The following C12orf60 variants were observed in gnomAD, a reference collection of about 807,000 sequenced individuals.
C12orf60 encodes uncharacterized protein C12orf60.
For synonymous variants in C12orf60, 102 were observed against 94.6 expected (o/e 1.08, Z -0.45); for missense variants, 284 against 283.2 (o/e 1.00, Z -0.02).
intron 1 of C12orf60, among the ~76,000 whole-genome samples, chr12:14,808,055 A>G (rs1429108620): frequency 6.6e-6 from 1 of 152,080 alleles, no homozygotes; most frequent in Non-Finnish European, 1.5e-5. Flanking sequence ...AATCCCAGCT[A>G]CTCTGGAGAC....
Position 14,823,566 on chromosome 12 carries a change from T to C in C12orf60, c.631T>C (p.Leu211=). Residue 211 remains leucine, a synonymous_variant, in exon 2 of 2, where the codon TTG becomes CTG. Coordinates refer to ENST00000330828, the MANE Select transcript of C12orf60 (RefSeq NM_175874.4). ...KNPTKSAADL[L]EQIVKAMGPI... is the part of the protein sequence containing the mutation. Reference sequence around the variant, plus strand: ...TCCCACAAAGTCAGCAGCAGATTTGTTGGAACAAATTGTCAAGGCTATGGG... The same window carrying C: ...TCCCACAAAGTCAGCAGCAGATTTGCTGGAACAAATTGTCAAGGCTATGGG... 6.2e-7 allele frequency: 1 copy of C among 1,613,824 alleles called. No homozygotes were observed. Among genetic ancestry groups the C allele is most frequent in the Non-Finnish European group, 8.5e-7 (1 of 1,179,924 alleles).
intron 1 of C12orf60, among the ~76,000 whole-genome samples, chr12:14,811,206 G>A (rs1412554825): frequency 3.3e-5 from 5 of 152,198 alleles, no homozygotes; most frequent in Non-Finnish European, 5.9e-5. Flanking sequence ...TACAGAGTTT[G>A]TGCTATTATT....
At chr12:14,808,208 A>G (rs929533078) in intron 1 of C12orf60, among the ~76,000 whole-genome samples, 15 of 152,200 alleles carry the variant, frequency 9.9e-5, no homozygotes, top group Non-Finnish European at 2.1e-4. Context: ...AATGAATAAA[A>G]TAAACTTGAC....
At chr12:14,811,596 T>A (rs1050179727) in intron 1 of C12orf60, among the ~76,000 whole-genome samples, 1 of 152,186 alleles carries the variant, frequency 6.6e-6, no homozygotes, top group African/African-American at 2.4e-5. Context: ...TTTTTTTGAA[T>A]TGAGAAGTCA....
At chr12:14,804,075 C>T (rs1311017805) in intron 1 of C12orf60, among the ~76,000 whole-genome samples, 2 of 152,066 alleles carry the variant, frequency 1.3e-5, no homozygotes, top group Admixed American at 6.5e-5. Flanking sequence ...CTTATATGGG[C>T]GGTGATTTAT....
At chr12:14,816,645 G>T (rs1050589435) in intron 1 of C12orf60, among the ~76,000 whole-genome samples, 1 of 151,872 alleles carries the variant, frequency 6.6e-6, no homozygotes, top group South Asian at 2.1e-4. Flanking sequence ...TGCTTTTCTA[G>T]CATTGTCAAT....
At position 14,821,508 on chromosome 12, in the gene C12orf60, T is replaced by C. The variant is rs144722622; in HGVS notation, c.-24-1404T>C. On this transcript the variant is annotated intron_variant, in intron 1 of 1. Transcript: ENST00000330828. ...TTCCTGCTCTGTTTTTAATGGTTAC[T>C]CTAGAGATTATAATATACTTCCACA... 9.6e-3 allele frequency among the ~76,000 whole-genome samples: 1,469 copies of C among 152,296 alleles called. 32 individuals carry two copies. Among genetic ancestry groups the C allele is most frequent in the African/African-American group, 0.034 (1,423 of 41,558 alleles).
chr12:14,819,452 C>T, intron 1 of C12orf60, among the ~76,000 whole-genome samples: 1 of 151,034 alleles, frequency 6.6e-6, no homozygotes, highest in East Asian at 2.0e-4. Context: ...TGTATGTAGA[C>T]ATCATGTTGT....
intron 1 of C12orf60, among the ~76,000 whole-genome samples, chr12:14,809,397 C>A (rs1177245452): frequency 1.3e-5 from 2 of 151,996 alleles, no homozygotes; most frequent in African/African-American, 4.8e-5. Context: ...CTCTTCTCCC[C>A]CCAGTATTAA....
rs376377212 is a variant in C12orf60, at chr12:14,805,264, T to G, written c.-25+1513T>G. On this transcript the variant is annotated intron_variant, in intron 1 of 1. Coordinates refer to ENST00000330828, the MANE Select transcript of C12orf60 (RefSeq NM_175874.4). Reference sequence around the variant, plus strand: ...ATATGTGTAGCTGTGTTTTGCTTTCTTGTCTTCTAAATGTTTCAGTGTTTG... The same window carrying G: ...ATATGTGTAGCTGTGTTTTGCTTTCGTGTCTTCTAAATGTTTCAGTGTTTG... 2.0e-4 allele frequency: 30 copies of G among 152,382 alleles called. 1 individual carries two copies. The highest frequency in any genetic ancestry group is 7.2e-4 in the African/African-American group (30 of 41,598). 9.4% of individuals were successfully genotyped at this position (152,382 alleles called of 1,614,324 possible).
intron 1 of C12orf60, among the ~76,000 whole-genome samples, chr12:14,808,436 T>C (rs528655076): frequency 6.6e-6 from 1 of 152,246 alleles, no homozygotes; most frequent in African/African-American, 2.4e-5. Context: ...TCCATATCCA[T>C]GTGGAATCTG....
chr12:14,808,164 C>CA (rs550952665), intron 1 of C12orf60, among the ~76,000 whole-genome samples: 22,207 of 133,018 alleles, frequency 0.17, 1,798 homozygotes, highest in Admixed American at 0.28. Flanking sequence ...GACTTTGTCT[C>CA]AAAAAAAAAA....
chr12:14,813,469 C>T (rs1451541728), intron 1 of C12orf60, among the ~76,000 whole-genome samples: 156 of 152,320 alleles, frequency 1.0e-3, no homozygotes, highest in Non-Finnish European at 3.5e-4. Context: ...TGATGATATA[C>T]TTTCTGATAT....
rs1234400749 is a variant in C12orf60 at position 14,806,112 on chromosome 12, G to A, written c.-25+2361G>A. 3 of 1,614,022 alleles carry A rather than the reference G, an allele frequency of 1.9e-6. No individual in the cohort carries two copies. The African/African-American group carries it at 4.0e-5, about 22-fold the overall frequency. ...ATGCTTCTCATAACTTTTGATGGCTGCTTGAAGCTGTGTTTTTTCCACTGC... is the reference window on the plus strand; with the variant it reads ...ATGCTTCTCATAACTTTTGATGGCTACTTGAAGCTGTGTTTTTTCCACTGC... On this transcript the variant is annotated intron_variant, in intron 1 of 1. Transcript: ENST00000330828.
chr12:14,822,897 T>G lies in C12orf60; in HGVS notation c.-24-15T>G. On this transcript the variant is annotated splice_polypyrimidine_tract_variant and intron_variant, in intron 1 of 1. Transcript: ENST00000330828. ...GACTTTTATTTTTCATTTGGATTACTGCTTTGCTTTGCAGTGTTGGAACTT... is the reference window on the plus strand; with the variant it reads ...GACTTTTATTTTTCATTTGGATTACGGCTTTGCTTTGCAGTGTTGGAACTT... 1 of 1,519,678 alleles carries G rather than the reference T, an allele frequency of 6.6e-7. No individual in the cohort carries two copies. Among genetic ancestry groups the G allele is most frequent in the South Asian group, 1.3e-5 (1 of 74,602 alleles). 94.1% of individuals were successfully genotyped at this position (1,519,678 alleles called of 1,614,324 possible).
At chr12:14,822,814 A>G in intron 1 of C12orf60, 98 bp from the exon 2 acceptor site, 1 of 1,011,956 alleles carries the variant, frequency 9.9e-7, no homozygotes, top group Non-Finnish European at 1.4e-6. Flanking sequence ...TGCCCTTGGC[A>G]GGGGGAGTTA....
At chr12:14,805,899 A>T in intron 1 of C12orf60, 1 of 1,147,012 alleles carries the variant, frequency 8.7e-7, no homozygotes, top group Non-Finnish European at 1.2e-6. Context: ...TATCTTATTT[A>T]AGTCCATATT....
rs908553538 is a variant in C12orf60 at position 14,803,749 on chromosome 12, C to G, written c.-27C>G. The G allele has an allele frequency of 2.8e-6, 1 of 363,256 alleles. No homozygotes were observed. The highest frequency in any genetic ancestry group is 4.9e-6 in the Non-Finnish European group (1 of 204,352). The allele number at this position is 363,256 out of a possible 1,614,324, so 22.5% of individuals were successfully genotyped here. On this transcript the variant is annotated splice_region_variant and 5_prime_UTR_variant, in exon 1 of 2. Transcript: ENST00000330828. ...GCATCTTGACTTAGTTGCTGGGAGC[C>G]TGGTACGTTGAGCCGTCCGAGAACG...
intron 1 of C12orf60, among the ~76,000 whole-genome samples, chr12:14,819,724 T>G (rs1950276045): frequency 6.6e-6 from 1 of 152,152 alleles, no homozygotes. Context: ...TATTGAATAT[T>G]TAAAAATGCC....
Sources: allele counts gnomAD v4.1 joint callset (sites outside exome capture counted in the v4.1 genomes callset), GRCh38; gene constraint gnomAD v4.1.1; transcripts MANE v1.5; gene names NCBI Gene and HGNC (gene_info 2026-07-23, HGNC 2026-07-21).